Variants in COPS3 observed in about 807,000 individuals in gnomAD.
COPS3 encodes COP9 signalosome complex subunit 3.
In COPS3, 10 loss-of-function variants were observed where a neutral mutation model predicts 58.2. The ratio of observed to expected loss-of-function variants is 0.17; its 90% CI spans 0.11 to 0.29. The LOEUF is 0.29. Among genes scored for constraint, COPS3 ranks in the 10% least tolerant of loss-of-function variants. The probability of loss-of-function intolerance (pLI) is 1.00; values close to 1 mark genes in which losing one functional copy is unlikely to be tolerated. For missense variants in COPS3, 333 were observed against 510.1 expected (o/e 0.65, Z 3.34); for synonymous variants, 187 against 181.7 (o/e 1.03, Z -0.24).
intron 4 of COPS3, among the ~76,000 whole-genome samples, chr17:17,268,823 AAAC>A (rs144926116): frequency 7.4e-4 from 110 of 147,756 alleles, no homozygotes; most frequent in East Asian, 2.8e-3. Flanking sequence ...CATCTCAAAA[AAAC>A]AACAACAACA....
At chr17:17,264,697 G>GAA in intron 6 of COPS3, 105 bp downstream of exon 6, 1 of 876,248 alleles carries the variant, frequency 1.1e-6, no homozygotes. Context: ...ACCAACACCT[G>GAA]AAACGGAGGC....
chr17:17,264,940 A>G lies in COPS3; in HGVS notation c.483T>C (p.Tyr161=). The change falls in exon 6 of 12, where the codon TAT becomes TAC. Residue 161 remains tyrosine, a synonymous_variant. Coordinates refer to ENST00000268717, the MANE Select transcript of COPS3 (RefSeq NM_003653.4). The part of the protein sequence containing the change: ...LAKCFKPALP[Y]LDVDMMDICK... ...AGATATCCATCATATCCACGTCAAG[A>G]TATGGAAGGGCAGGCTTAAAGCATT... 3 of 1,613,388 alleles carry G rather than the reference A, an allele frequency of 1.9e-6. No homozygotes were observed. Among genetic ancestry groups the G allele is most frequent in the Non-Finnish European group, 2.5e-6 (3 of 1,179,870 alleles).
Position 17,271,036 on chromosome 17 carries a change from AC to A in COPS3, c.186-29del, listed in dbSNP as rs769825743. Reference sequence around the variant, plus strand: ...AGAATAAGGAGAAAAGAATCAAATTACCCTGATAGTTCATGGGATAAAATAC... The same window carrying A: ...AGAATAAGGAGAAAAGAATCAAATTACCTGATAGTTCATGGGATAAAATAC... On this transcript the variant is annotated intron_variant, in intron 2 of 11. Transcript: ENST00000268717. 8.2e-6 allele frequency: 12 copies of A among 1,459,470 alleles called. No individual in the cohort carries two copies. The African/African-American group carries it at 1.7e-4, about 20-fold the overall frequency. The allele number at this position is 1,459,470 out of a possible 1,614,324, so 90.4% of individuals were successfully genotyped here. A position where few individuals can be genotyped will look rare whatever the true frequency, so the allele number is the denominator to read the frequency against.
chr17:17,254,814 G>GGAAAAAAAA, intron 9 of COPS3, 45 bp downstream of exon 9: 1 of 814,386 alleles, frequency 1.2e-6, no homozygotes, highest in Non-Finnish European at 1.7e-6. Context: ...ATCTCAAAAA[G>GGAAAAAAAA]AAAAAAAAAA....
chr17:17,268,167 G>T, intron 4 of COPS3, 190 bp from the exon 5 acceptor site: 2 of 696,266 alleles, frequency 2.9e-6, no homozygotes, highest in Non-Finnish European at 4.1e-6. Flanking sequence ...GCTGTTTCTT[G>T]GAATTTTTAG....
chr17:17,256,786 TTA>T (rs2047985809), intron 8 of COPS3, among the ~76,000 whole-genome samples: 1 of 152,104 alleles, frequency 6.6e-6, no homozygotes, highest in African/African-American at 2.4e-5. Flanking sequence ...AGATGAGATC[TTA>T]CTTAGTTGCC....
At chr17:17,252,140 T>C (rs1419584399) in intron 9 of COPS3, among the ~76,000 whole-genome samples, 2 of 152,102 alleles carry the variant, frequency 1.3e-5, no homozygotes, top group East Asian at 3.8e-4. Flanking sequence ...CAAGGGATAT[T>C]TTCCGGGTGC....
chr17:17,270,567 G>A (rs1449803025), intron 4 of COPS3, among the ~76,000 whole-genome samples, 191 bp downstream of exon 4: 2 of 151,904 alleles, frequency 1.3e-5, no homozygotes, highest in Non-Finnish European at 2.9e-5. Context: ...AAACCACCCC[G>A]TGCCTCCACC....
chr17:17,266,556 T>C (rs1325949385), intron 5 of COPS3, among the ~76,000 whole-genome samples: 1 of 152,072 alleles, frequency 6.6e-6, no homozygotes, highest in African/African-American at 2.4e-5. Flanking sequence ...CCCAGCACTT[T>C]GGGAGGCTGA....
chr17:17,246,908 T>C lies in COPS3; in HGVS notation c.*190A>G, dbSNP rs2047736982. The C allele has an allele frequency of 1.7e-6, 1 of 595,584 alleles. No individual in the cohort carries two copies. Among genetic ancestry groups the C allele is most frequent in the South Asian group, 2.1e-5 (1 of 46,994 alleles). The allele number at this position is 595,584 out of a possible 1,614,324, so 36.9% of individuals were successfully genotyped here. A position where few individuals can be genotyped will look rare whatever the true frequency, so the allele number is the denominator to read the frequency against. ...ATAAATCCACGACAGACTTTAAAGT[T>C]TGCAAATCTGTTTCCTTTCTTTGCA... On this transcript the variant is annotated 3_prime_UTR_variant, in exon 12 of 12. Transcript: ENST00000268717.
chr17:17,247,206 C>T lies in COPS3; in HGVS notation c.1219-55G>A, dbSNP rs368100391. 42 of 1,548,696 alleles carry T rather than the reference C, an allele frequency of 2.7e-5. 1 individual carries two copies. The South Asian group carries it at 3.2e-4, about 12-fold the overall frequency. On this transcript the variant is annotated intron_variant, in intron 11 of 11. Coordinates refer to ENST00000268717, the MANE Select transcript of COPS3 (RefSeq NM_003653.4). ...ATGTTTGCTTTTATCAAGGGTTCCC[C>T]GGCAGCCCAATAAGCACACCAGTTG... is the stretch of plus-strand genomic sequence containing the variant.
intron 7 of COPS3, among the ~76,000 whole-genome samples, chr17:17,261,249 G>A (rs1478708578): frequency 2.0e-5 from 3 of 152,122 alleles, no homozygotes; most frequent in South Asian, 2.1e-4. Flanking sequence ...AGACAGGGCC[G>A]GGCATGGTGG....
chr17:17,251,650 C>T (rs757123837), intron 9 of COPS3, among the ~76,000 whole-genome samples: 7 of 152,106 alleles, frequency 4.6e-5, no homozygotes, highest in Non-Finnish European at 7.3e-5. Flanking sequence ...GCCCTGAAAA[C>T]GAATGAACTA....
intron 1 of COPS3, among the ~76,000 whole-genome samples, chr17:17,276,824 C>G (rs2048470688): frequency 6.6e-6 from 1 of 152,050 alleles, no homozygotes; most frequent in African/African-American, 2.4e-5. Context: ...CCGCGCCCAG[C>G]CTACATCATA....
At position 17,267,939 on chromosome 17, in the gene COPS3, G is replaced by C. The variant is rs773543805; in HGVS notation, c.387C>G (p.Asp129Glu). The change falls in exon 5 of 12, where the codon GAC becomes GAG. Residue 129 changes from aspartate (D) to glutamate (E), a missense_variant. Transcript: ENST00000268717. ...RGIGILKQAIDKMQMNTNQLT... is the reference protein window; with the variant it reads ...RGIGILKQAIEKMQMNTNQLT... ...GCTGGTTTGTATTCATCTGCATCTT[G>C]TCTATGGCTTGCTTAAGGATGCCAA... is the stretch of plus-strand genomic sequence containing the variant. The C allele has an allele frequency of 5.0e-6, 8 of 1,613,948 alleles. No homozygotes were observed. The Admixed American group carries it at 5.0e-5, about 10-fold the overall frequency.
intron 1 of COPS3, among the ~76,000 whole-genome samples, chr17:17,280,000 C>A (rs554378905): frequency 6.6e-6 from 1 of 152,328 alleles, no homozygotes; most frequent in South Asian, 2.1e-4. Flanking sequence ...CGCAGTGGCT[C>A]ACGCCTGTAA....
At chr17:17,266,145 A>G (rs542821387) in intron 5 of COPS3, among the ~76,000 whole-genome samples, 2 of 152,342 alleles carry the variant, frequency 1.3e-5, no homozygotes, top group Admixed American at 1.3e-4. Context: ...ATACCATGTT[A>G]TTCTTGAAGG....
At chr17:17,259,511 T>G (rs1305069548) in intron 8 of COPS3, among the ~76,000 whole-genome samples, 2 of 152,208 alleles carry the variant, frequency 1.3e-5, no homozygotes, top group Non-Finnish European at 2.9e-5. Flanking sequence ...AAAAATTATA[T>G]AATTGGCTTA....
chr17:17,263,228 C>T (rs1368088321), intron 6 of COPS3, among the ~76,000 whole-genome samples: 6 of 148,972 alleles, frequency 4.0e-5, no homozygotes, highest in Non-Finnish European at 7.4e-5. Flanking sequence ...GCGGAGCTTG[C>T]GGTGAGCCGA....
Sources: allele counts gnomAD v4.1 joint callset (sites outside exome capture counted in the v4.1 genomes callset), GRCh38; gene constraint gnomAD v4.1.1; transcripts MANE v1.5; gene names NCBI Gene and HGNC (gene_info 2026-07-23, HGNC 2026-07-21).